The following NIPAL3 variants were observed in gnomAD, a reference collection of about 807,000 sequenced individuals.
The protein encoded by NIPAL3 is NIPA-like protein 3.
In NIPAL3, 41 loss-of-function variants were observed where a neutral mutation model predicts 47.2. The ratio of observed to expected loss-of-function variants is 0.87; its 90% CI spans 0.68 to 1.13. The LOEUF (loss-of-function observed/expected upper bound fraction) is 1.13. Ranked by LOEUF, NIPAL3 falls within the 50% of genes most tolerant of loss-of-function variation. NIPAL3 has a pLI of 0.00. For synonymous variants in NIPAL3, 194 were observed against 209.6 expected, an observed-to-expected ratio of 0.93 and a Z score of 0.64; for missense variants, 449 against 530.1, an observed-to-expected ratio of 0.85 and a Z score of 1.50.
chr1:24,457,050 C>T (rs941380482), intron 8 of NIPAL3, among the ~76,000 whole-genome samples: 1 of 152,190 alleles, frequency 6.6e-6, no homozygotes, highest in African/African-American at 2.4e-5. Flanking sequence ...GCATGAGCCA[C>T]AACACCTGGC....
At chr1:24,424,053 AG>A in intron 2 of NIPAL3, among the ~76,000 whole-genome samples, 1 of 152,366 alleles carries the variant, frequency 6.6e-6, no homozygotes, top group South Asian at 2.1e-4. Flanking sequence ...TGAGATTTCT[AG>A]TAAGTTTCCA....
chr1:24,416,333 A>T lies in NIPAL3; in HGVS notation c.-258+429A>T. On this transcript the variant is annotated intron_variant, in intron 1 of 11. Transcript: ENST00000374399. This position sits in a 1 kb window ranked among gnomAD's most constrained non-coding sequence, Gnocchi z 4.8. ...CCAGCTCAGTGGGACGGGACGGAAG[A>T]ATGTAACCTTCTCGTGAGCCAAAGC... 2.0e-6 allele frequency: 2 copies of T among 985,320 alleles called. No homozygotes were observed. The highest frequency in any genetic ancestry group is 9.4e-5 in the South Asian group (2 of 21,282). 61.0% of individuals were successfully genotyped at this position (985,320 alleles called of 1,614,324 possible). A position where few individuals can be genotyped will look rare whatever the true frequency, so the allele number is the denominator to read the frequency against.
At chr1:24,465,805 A>G in intron 11 of NIPAL3, 3 of 631,202 alleles carry the variant, frequency 4.8e-6, no homozygotes, top group Non-Finnish European at 7.3e-6. Context: ...TGTCTGGGAC[A>G]TGGTAGATGC....
chr1:24,449,541 T>C lies in NIPAL3; in HGVS notation c.455T>C (p.Val152Ala). 6.2e-7 allele frequency: 1 copy of C among 1,614,068 alleles called. No individual in the cohort carries two copies. Among genetic ancestry groups the C allele is most frequent in the Non-Finnish European group, 8.5e-7 (1 of 1,180,030 alleles). ...GLAVVGTYLLVTFAPNSHEKM... is the reference protein window; with the variant it reads ...GLAVVGTYLLATFAPNSHEKM... ...GCTGTCGTGGGTACCTACCTGCTGG[T>C]GACATTCGCACCCAACAGTCACGAG... Residue 152 changes from valine to alanine, a missense_variant, in exon 6 of 12, where the codon GTG (valine) becomes GCG (alanine). Transcript: ENST00000374399. The surrounding 1 kb of genome is among the most constrained non-coding windows in gnomAD (Gnocchi z 4.5).
chr1:24,458,067 A>T (rs1384146178), intron 8 of NIPAL3, among the ~76,000 whole-genome samples: 2 of 152,182 alleles, frequency 1.3e-5, no homozygotes, highest in Non-Finnish European at 2.9e-5. Context: ...CACAGAGATG[A>T]TGAGGGTAGT....
At chr1:24,429,680 T>C (rs1039487691) in intron 2 of NIPAL3, among the ~76,000 whole-genome samples, 20 of 152,204 alleles carry the variant, frequency 1.3e-4, no homozygotes, top group African/African-American at 4.6e-4. Context: ...TGGCTACAGA[T>C]AGGTGCTTGC....
intron 2 of NIPAL3, among the ~76,000 whole-genome samples, chr1:24,430,879 T>C (rs1160312966): frequency 6.6e-6 from 1 of 152,226 alleles, no homozygotes; most frequent in Non-Finnish European, 1.5e-5. Context: ...GCACATATAT[T>C]TTTACATTTA....
At chr1:24,423,499 G>A (rs909965804) in intron 2 of NIPAL3, among the ~76,000 whole-genome samples, 2 of 152,120 alleles carry the variant, frequency 1.3e-5, no homozygotes, top group African/African-American at 4.8e-5. Flanking sequence ...GTGCGGTGGC[G>A]GGTGCCTATA....
intron 5 of NIPAL3, among the ~76,000 whole-genome samples, chr1:24,445,546 C>A (rs565347263): frequency 1.3e-5 from 2 of 152,312 alleles, no homozygotes; most frequent in East Asian, 3.9e-4. Flanking sequence ...CTCTCCCTGA[C>A]TGAGTTCTAA....
Position 24,416,035 on chromosome 1 carries a change from C to T in NIPAL3, c.-258+131C>T. ...TCTTACTGTCACCAGCCTCGCCAAC[C>T]TGGGTCCCGTTGCCTTGGAATGTTC... is the stretch of plus-strand genomic sequence containing the variant. On this transcript the variant is annotated intron_variant, in intron 1 of 11. Transcript: ENST00000374399. The surrounding 1 kb of genome is among the most constrained non-coding windows in gnomAD (Gnocchi z 4.8). 1 of 985,584 alleles carries T rather than the reference C, an allele frequency of 1.0e-6. No homozygotes were observed. The highest frequency in any genetic ancestry group is 1.2e-6 in the Non-Finnish European group (1 of 830,052). The allele number at this position is 985,584 out of a possible 1,614,324, so 61.1% of individuals were successfully genotyped here.
At chr1:24,455,970 AG>A (rs1010103772) in intron 7 of NIPAL3, among the ~76,000 whole-genome samples, 167 bp from the exon 8 acceptor site, 4 of 152,180 alleles carry the variant, frequency 2.6e-5, no homozygotes, top group Admixed American at 1.3e-4. Context: ...GGTGCACACG[AG>A]ACCCAGTGCA....
chr1:24,455,536 C>T (rs570776749), intron 7 of NIPAL3, among the ~76,000 whole-genome samples: 1 of 152,200 alleles, frequency 6.6e-6, no homozygotes, highest in South Asian at 2.1e-4. Flanking sequence ...TACAAGTGAC[C>T]AGCTGGGCGC....
Position 24,454,670 on chromosome 1 carries a change from C to A in NIPAL3, c.637+1166C>A. The A allele has an allele frequency of 3.3e-6, 2 of 601,306 alleles. No homozygotes were observed. Among genetic ancestry groups the A allele is most frequent in the Non-Finnish European group, 4.2e-6 (2 of 479,320 alleles). The allele number at this position is 601,306 out of a possible 1,614,324, so 37.2% of individuals were successfully genotyped here. A position where few individuals can be genotyped will look rare whatever the true frequency, so the allele number is the denominator to read the frequency against. On this transcript the variant is annotated intron_variant, in intron 7 of 11. Transcript: ENST00000374399. This position sits in a 1 kb window ranked among gnomAD's most constrained non-coding sequence, Gnocchi z 4.1. ...CCATCATCCTAATCTAATTTTAGAACATTTTGTCACCCCCAAAAGAAACCC... is the reference window on the plus strand; with the variant it reads ...CCATCATCCTAATCTAATTTTAGAAAATTTTGTCACCCCCAAAAGAAACCC...
intron 8 of NIPAL3, among the ~76,000 whole-genome samples, chr1:24,458,215 G>A (rs1225547560): frequency 3.3e-5 from 5 of 152,180 alleles, no homozygotes; most frequent in Admixed American, 3.3e-4. Flanking sequence ...TTTGAGCCCC[G>A]TAGTTAGAGG....
intron 3 of NIPAL3, among the ~76,000 whole-genome samples, chr1:24,441,013 T>C (rs1265988819): frequency 6.6e-6 from 1 of 152,210 alleles, no homozygotes; most frequent in African/African-American, 2.4e-5. Flanking sequence ...TCGTGCTCCC[T>C]GGAATTATCT....
At chr1:24,441,729 TGC>T (rs1645395218) in intron 3 of NIPAL3, among the ~76,000 whole-genome samples, 1 of 152,164 alleles carries the variant, frequency 6.6e-6, no homozygotes. Flanking sequence ...GAGACTGCAT[TGC>T]CTGTGACGTG....
At chr1:24,443,176 C>CT (rs1340640458) in intron 4 of NIPAL3, among the ~76,000 whole-genome samples, 11 of 152,024 alleles carry the variant, frequency 7.2e-5, no homozygotes, top group African/African-American at 2.7e-4. Flanking sequence ...TTTGAACCAA[C>CT]TAAAAGACAA....
At position 24,454,380 on chromosome 1, in the gene NIPAL3, G is replaced by T. The variant is rs35497784; in HGVS notation, c.637+876G>T. On this transcript the variant is annotated intron_variant, in intron 7 of 11. Coordinates refer to ENST00000374399, the MANE Select transcript of NIPAL3 (RefSeq NM_020448.5). This position sits in a 1 kb window ranked among gnomAD's most constrained non-coding sequence, Gnocchi z 4.1. ...ACGCTGTCCACTTCTCTAAAGGGGG[G>T]GCCTATGAGAACATCCAAGTCACGG... The T allele has an allele frequency of 1.5e-5, 16 of 1,043,590 alleles. No homozygotes were observed. The highest frequency in any genetic ancestry group is 9.7e-5 in the East Asian group (1 of 10,300). 64.6% of individuals were successfully genotyped at this position (1,043,590 alleles called of 1,614,324 possible).
chr1:24,428,258 A>C (rs375693351), intron 2 of NIPAL3, among the ~76,000 whole-genome samples: 136 of 119,560 alleles, frequency 1.1e-3, no homozygotes, highest in African/African-American at 3.8e-3. Context: ...CTCAAAAAGA[A>C]AGAGAGAGAG....
Sources: gnomAD v4.1 joint callset for allele counts (sites outside exome capture counted in the v4.1 genomes callset) on GRCh38, gnomAD v4.1.1 for gene constraint, Gnocchi (gnomAD v3.1) non-coding constraint, MANE v1.5 for transcripts, NCBI Gene and HGNC (gene_info 2026-07-23, HGNC 2026-07-21) for gene names.